Variants in MAP3K11 observed in about 807,000 individuals in gnomAD.
MAP3K11 encodes the protein mitogen-activated protein kinase kinase kinase 11.
In MAP3K11, 46 loss-of-function variants were observed where a neutral mutation model predicts 84.9. The ratio of observed to expected loss-of-function variants is 0.54; its 90% CI spans 0.43 to 0.69. MAP3K11 has a LOEUF of 0.69. Ranked by LOEUF, MAP3K11 falls within the 30% of genes least tolerant of loss-of-function variation. The pLI is 0.00. For missense variants in MAP3K11, 1,053 were observed against 1,198.3 expected, an observed-to-expected ratio of 0.88 and a Z score of 1.79; for synonymous variants, 527 against 514.7, an observed-to-expected ratio of 1.02 and a Z score of -0.32.
At chr11:65,605,703 C>T in intron 8 of MAP3K11, 58 bp downstream of exon 8, 1 of 1,360,580 alleles carries the variant, frequency 7.3e-7, no homozygotes, top group South Asian at 1.3e-5. Context: ...TGTGGCCTCC[C>T]CAAGGTGCCC....
chr11:65,606,173 G>C, intron 6 of MAP3K11, 92 bp from the exon 7 acceptor site: 1 of 1,378,254 alleles, frequency 7.3e-7, no homozygotes, highest in Non-Finnish European at 9.6e-7. Flanking sequence ...AGTATGGGGA[G>C]CAGGCTGGGC....
chr11:65,612,909 A>G, intron 1 of MAP3K11, 109 bp downstream of exon 1: 3 of 1,317,950 alleles, frequency 2.3e-6, no homozygotes, highest in Non-Finnish European at 3.0e-6. Flanking sequence ...GGGACCCCCT[A>G]GGGTGGGAGC....
chr11:65,605,823 C>T lies in MAP3K11; in HGVS notation c.1769G>A (p.Trp590Ter), dbSNP rs769523347. ...RRRSRMDEAT[W>*]YLDSDDSSPL... is the part of the protein sequence containing the mutation. Reference sequence around the variant, plus strand: ...GGATGAGTCATCTGAATCCAGGTACCATGTGGCTTCGTCCATGCGGGACCT... The same window carrying T: ...GGATGAGTCATCTGAATCCAGGTACTATGTGGCTTCGTCCATGCGGGACCT... The change falls in exon 8 of 10, where the codon TGG becomes TAG. Residue 590 changes from tryptophan to a stop codon, truncating the protein, a stop_gained. Transcript: ENST00000309100. LOFTEE classifies it high-confidence loss of function. 6.2e-7 allele frequency: 1 copy of T among 1,613,018 alleles called. No homozygotes were observed. Among genetic ancestry groups the T allele is most frequent in the South Asian group, 1.1e-5 (1 of 90,928 alleles).
At chr11:65,603,165 G>A (rs1041549704) in intron 8 of MAP3K11, among the ~76,000 whole-genome samples, 2 of 152,238 alleles carry the variant, frequency 1.3e-5, no homozygotes, top group East Asian at 1.9e-4. Context: ...CAGACAAAAT[G>A]AGAGTGAACA....
At chr11:65,605,306 G>GT (rs1310915423) in intron 8 of MAP3K11, among the ~76,000 whole-genome samples, 1 of 151,992 alleles carries the variant, frequency 6.6e-6, no homozygotes, top group Non-Finnish European at 1.5e-5. Context: ...TCACCTACAG[G>GT]CTCCCAGAAG....
chr11:65,599,405 T>C lies in MAP3K11; in HGVS notation c.2195A>G (p.Glu732Gly). The C allele has an allele frequency of 6.5e-7, 1 of 1,534,620 alleles. No homozygotes were observed. Among genetic ancestry groups the C allele is most frequent in the East Asian group, 2.6e-5 (1 of 37,852 alleles). ...TTCAGGCCACTCACCGCGGGGCTCC[T>C]CCTCACGTCGGGGGCTCTTGGCTGA... ...QRSAKSPRRE[E>G]EPRGGTVSPP... The change falls in exon 9 of 10, where the codon GAG (glutamate) becomes GGG (glycine). Residue 732 changes from glutamate (E) to glycine (G), a missense_variant. Glu to Gly is a moderately conservative substitution (Grantham distance 98). Coordinates refer to ENST00000309100, the MANE Select transcript of MAP3K11 (RefSeq NM_002419.4).
Position 65,599,502 on chromosome 11 carries a change from G to A in MAP3K11, c.2098C>T (p.Leu700Phe). 1 of 1,498,212 alleles carries A rather than the reference G, an allele frequency of 6.7e-7. No individual in the cohort carries two copies. Among genetic ancestry groups the A allele is most frequent in the Non-Finnish European group, 8.8e-7 (1 of 1,130,152 alleles). The allele number at this position is 1,498,212 out of a possible 1,614,324, so 92.8% of individuals were successfully genotyped here. Reference sequence around the variant, plus strand: ...GTGGGCGGGGAGTCGGGCGTCTTGAGCGAGAAGCAGATGAGCGGGGAAGGG... The same window carrying A: ...GTGGGCGGGGAGTCGGGCGTCTTGAACGAGAAGCAGATGAGCGGGGAAGGG... ...PPPSPLICFS[L>F]KTPDSPPTPA... Residue 700 changes from leucine to phenylalanine, a missense_variant, in exon 9 of 10, where the codon CTC becomes TTC. Leu to Phe is a conservative substitution (Grantham distance 22). Around this residue, in one of 3 missense-constraint regions of MAP3K11, gnomAD observed 583 missense variants for 566.6 expected, o/e 1.03. Coordinates refer to ENST00000309100, the MANE Select transcript of MAP3K11 (RefSeq NM_002419.4).
At chr11:65,606,608 T>G (rs1590856407) in intron 6 of MAP3K11, 83 bp downstream of exon 6, 1 of 1,046,080 alleles carries the variant, frequency 9.6e-7, no homozygotes, top group East Asian at 2.8e-5. Context: ...GGATAGTGAG[T>G]GGGCTCCGCC....
chr11:65,606,410 A>T, intron 6 of MAP3K11: 1 of 422,812 alleles, frequency 2.4e-6, no homozygotes, highest in East Asian at 3.7e-5. Flanking sequence ...TAAATTAACA[A>T]CAAAAATAAC....
chr11:65,613,449 C>A lies in MAP3K11; in HGVS notation c.308G>T (p.Gly103Val). The A allele has an allele frequency of 6.2e-7, 1 of 1,612,278 alleles. No individual in the cohort carries two copies. Among genetic ancestry groups the A allele is most frequent in the Non-Finnish European group, 8.5e-7 (1 of 1,179,476 alleles). The change falls in exon 1 of 10, where the codon GGT becomes GTT. Residue 103 changes from glycine (G) to valine (V), a missense_variant. Transcript: ENST00000309100. ...CACCTCGCAGGGGGGCGGGCCGCCA[C>A]CCCGAGACACATAGTTGGACGGGAA... ...GIFPSNYVSRGGGPPPCEVAS... is the reference protein window; with the variant it reads ...GIFPSNYVSRVGGPPPCEVAS...
At chr11:65,602,391 A>T (rs2016967818) in intron 8 of MAP3K11, among the ~76,000 whole-genome samples, 1 of 152,174 alleles carries the variant, frequency 6.6e-6, no homozygotes, top group East Asian at 1.9e-4. Context: ...CACGCTTGTA[A>T]TCCCAGCACT....
intron 8 of MAP3K11, among the ~76,000 whole-genome samples, chr11:65,604,222 C>T (rs1373927940): frequency 6.6e-6 from 1 of 152,248 alleles, no homozygotes; most frequent in Admixed American, 6.5e-5. Context: ...ATGGGGCAAG[C>T]TTGAGAACGA....
At chr11:65,599,049 C>T (rs1224565386) in intron 9 of MAP3K11, among the ~76,000 whole-genome samples, 2 of 152,192 alleles carry the variant, frequency 1.3e-5, no homozygotes, top group Non-Finnish European at 2.9e-5. Context: ...CTGTGTCGCC[C>T]AGGCTGGAGT....
At chr11:65,608,516 G>A (rs1230684481) in intron 1 of MAP3K11, 68 bp from the exon 2 acceptor site, 45 of 1,485,096 alleles carry the variant, frequency 3.0e-5, no homozygotes, top group Non-Finnish European at 4.1e-5. Flanking sequence ...AGAGCTGGGA[G>A]CAAACTCATC....
chr11:65,603,565 G>A (rs949877236), intron 8 of MAP3K11, among the ~76,000 whole-genome samples: 2 of 152,238 alleles, frequency 1.3e-5, no homozygotes, highest in Non-Finnish European at 2.9e-5. Context: ...GGCTTATGCC[G>A]GGGACCATCT....
At chr11:65,603,118 C>A (rs1264166526) in intron 8 of MAP3K11, among the ~76,000 whole-genome samples, 1 of 152,014 alleles carries the variant, frequency 6.6e-6, no homozygotes, top group Non-Finnish European at 1.5e-5. Flanking sequence ...AAATAAAAGA[C>A]AGAAATGAGA....
rs779258727 is a variant in MAP3K11, at chr11:65,598,579, G to A, written c.2256C>T (p.Thr752=). 2 of 1,593,776 alleles carry A rather than the reference G, an allele frequency of 1.3e-6. No homozygotes were observed. The highest frequency in any genetic ancestry group is 3.5e-5 in the Admixed American group (2 of 57,298). The part of the protein sequence containing the change: ...PPGTSRSAPG[T]PGTPRSPPLG... ...GGGGTGGTGAACGTGGGGTGCCTGG[G>A]GTGCCAGGAGCAGAGCGTGATGTCC... Residue 752 remains threonine, a synonymous_variant, in exon 10 of 10, where the codon ACC becomes ACT. Coordinates refer to ENST00000309100, the MANE Select transcript of MAP3K11 (RefSeq NM_002419.4).
intron 8 of MAP3K11, chr11:65,605,504 A>G: frequency 2.7e-6 from 1 of 367,950 alleles, no homozygotes; most frequent in African/African-American, 2.1e-5. Flanking sequence ...GGCTTCTTGC[A>G]GGCCAGGTCT....
In MAP3K11 at chr11:65,608,391, G is replaced by A. The variant is rs1355660580; in HGVS notation, c.797C>T (p.Thr266Ile). 1 of 1,614,114 alleles carries A rather than the reference G, an allele frequency of 6.2e-7. No homozygotes were observed. The highest frequency in any genetic ancestry group is 1.3e-5 in the African/African-American group (1 of 74,940). Reference sequence around the variant, plus strand: ...CCACTCTCGGGCCAGGCCAAAGTCGGTGATCTTCAGGGTCTTGTGCTCCAT... The same window carrying A: ...CCACTCTCGGGCCAGGCCAAAGTCGATGATCTTCAGGGTCTTGTGCTCCAT... ...DDMEHKTLKI[T>I]DFGLAREWHK... is the part of the protein sequence containing the mutation. The change falls in exon 2 of 10, where the codon ACC becomes ATC. Residue 266 changes from threonine (T) to isoleucine (I), a missense_variant. This residue lies in a region of MAP3K11 where 310 missense variants were observed against 464.5 expected (regional missense o/e 0.67). Coordinates refer to ENST00000309100, the MANE Select transcript of MAP3K11 (RefSeq NM_002419.4).
Sources: allele counts gnomAD v4.1 joint callset (sites outside exome capture counted in the v4.1 genomes callset), GRCh38; gene constraint gnomAD v4.1.1; regional missense constraint gnomAD v4.1.1; transcripts MANE v1.5; gene names NCBI Gene and HGNC (gene_info 2026-07-23, HGNC 2026-07-21).